The following MLLT3 variants were observed in gnomAD, a reference collection of about 807,000 sequenced individuals.
MLLT3 encodes the protein protein AF-9.
MLLT3 carries 4 observed loss-of-function variants against 53.2 expected under a neutral mutation model. The ratio of observed to expected loss-of-function variants is 0.08; its 90% confidence interval spans 0.04 to 0.17. The LOEUF is 0.17. MLLT3 is among the 10% of genes least tolerant of loss of function. The pLI is 1.00. For missense variants in MLLT3, 569 were observed against 684.0 expected (o/e 0.83, Z 1.87); for synonymous variants, 283 against 230.6 (o/e 1.23, Z -2.06).
At chr9:20,399,032 T>C (rs1822391388) in intron 5 of MLLT3, among the ~76,000 whole-genome samples, 1 of 152,160 alleles carries the variant, frequency 6.6e-6, no homozygotes, top group South Asian at 2.1e-4. Context: ...TGAAATCCAA[T>C]TTATGCAACT....
chr9:20,426,807 CA>C (rs1450404575), intron 4 of MLLT3, among the ~76,000 whole-genome samples: 5 of 151,868 alleles, frequency 3.3e-5, no homozygotes, highest in African/African-American at 9.7e-5. Flanking sequence ...GTTCAAGAAT[CA>C]AGAGTATATG....
intron 4 of MLLT3, among the ~76,000 whole-genome samples, chr9:20,416,897 G>C (rs533024466): frequency 5.4e-4 from 82 of 152,216 alleles, no homozygotes; most frequent in African/African-American, 1.9e-3. Flanking sequence ...CAATGTCAAA[G>C]TTCAAATATA....
chr9:20,615,596 A>G (rs1006468141), intron 2 of MLLT3, among the ~76,000 whole-genome samples: 8 of 152,122 alleles, frequency 5.3e-5, no homozygotes, highest in African/African-American at 1.7e-4. Flanking sequence ...GTATTGGGCA[A>G]TTTATGTGTG....
At chr9:20,393,746 T>C (rs910805293) in intron 5 of MLLT3, among the ~76,000 whole-genome samples, 2 of 152,182 alleles carry the variant, frequency 1.3e-5, no homozygotes, top group Non-Finnish European at 2.9e-5. Flanking sequence ...TTTTCAATTA[T>C]GTAGTAATTA....
At chr9:20,355,493 T>G (rs1821149939) in intron 8 of MLLT3, among the ~76,000 whole-genome samples, 1 of 152,198 alleles carries the variant, frequency 6.6e-6, no homozygotes, top group Non-Finnish European at 1.5e-5. Context: ...ACAACTTAAG[T>G]TATGAATAGC....
intron 2 of MLLT3, among the ~76,000 whole-genome samples, chr9:20,580,364 T>C (rs924468280): frequency 6.6e-6 from 1 of 152,106 alleles, no homozygotes. Context: ...AACTTGACTT[T>C]TTTTTTTTTA....
chr9:20,547,918 C>T (rs899649547), intron 2 of MLLT3, among the ~76,000 whole-genome samples: 1 of 152,206 alleles, frequency 6.6e-6, no homozygotes, highest in African/African-American at 2.4e-5. Flanking sequence ...CATGACTGCA[C>T]TCCCATCTGG....
rs769358647 is a variant in MLLT3, at chr9:20,414,271, C to T, written c.575G>A (p.Ser192Asn). Residue 192 changes from serine (S) to asparagine (N), a missense_variant, in exon 5 of 11, where the codon AGT (serine) becomes AAT (asparagine). This residue lies in a region of MLLT3 where 437 missense variants were observed against 376.5 expected (regional missense o/e 1.16). Transcript: ENST00000380338. Reference protein sequence around the residue: ...SSSSSSSSSTSFSKPHKLMKE... With the variant: ...SSSSSSSSSTNFSKPHKLMKE... ...CATTAATTTGTGAGGCTTTGAAAAA[C>T]TGGTACTACTGCTGCTGCTGCTGCT... 4 of 1,613,412 alleles carry T rather than the reference C, an allele frequency of 2.5e-6. No individual in the cohort carries two copies. The highest frequency in any genetic ancestry group is 3.4e-6 in the Non-Finnish European group (4 of 1,179,984).
chr9:20,418,294 G>A (rs368542228), intron 4 of MLLT3: 3 of 152,200 alleles, frequency 2.0e-5, no homozygotes, highest in Admixed American at 6.5e-5. Context: ...AACACAGAGG[G>A]ATGACAAGCC....
chr9:20,533,009 T>C (rs1183283788), intron 2 of MLLT3: 2 of 256,806 alleles, frequency 7.8e-6, no homozygotes, highest in South Asian at 4.6e-5. Context: ...ACAAAAAGGC[T>C]CAGCTGGTGG....
At chr9:20,433,519 T>C (rs897358811) in intron 4 of MLLT3, among the ~76,000 whole-genome samples, 1 of 151,998 alleles carries the variant, frequency 6.6e-6, no homozygotes, top group African/African-American at 2.4e-5. Context: ...GAGGATGCCA[T>C]TCGAATCAAG....
chr9:20,376,112 C>A (rs1325844946), intron 5 of MLLT3, among the ~76,000 whole-genome samples: 1 of 152,088 alleles, frequency 6.6e-6, no homozygotes, highest in East Asian at 1.9e-4. Context: ...CCATTTAATG[C>A]TTTAAATAAG....
At chr9:20,522,888 G>A (rs963558048) in intron 2 of MLLT3, among the ~76,000 whole-genome samples, 1 of 152,104 alleles carries the variant, frequency 6.6e-6, no homozygotes, top group African/African-American at 2.4e-5. Flanking sequence ...CTGAGCTAAA[G>A]GAAGTCGAGG....
intron 2 of MLLT3, among the ~76,000 whole-genome samples, chr9:20,562,513 C>A (rs1819242640): frequency 6.6e-6 from 1 of 152,056 alleles, no homozygotes; most frequent in Non-Finnish European, 1.5e-5. Flanking sequence ...GGACCCTTAG[C>A]ACCAGCAAAG....
chr9:20,542,264 G>A (rs945692221), intron 2 of MLLT3, among the ~76,000 whole-genome samples: 1 of 131,416 alleles, frequency 7.6e-6, no homozygotes, highest in African/African-American at 3.0e-5. Context: ...TTTTTTTTGA[G>A]ACGGAGTCTT....
At chr9:20,371,381 G>A (rs1821597106) in intron 5 of MLLT3, among the ~76,000 whole-genome samples, 1 of 152,208 alleles carries the variant, frequency 6.6e-6, no homozygotes, top group Non-Finnish European at 1.5e-5. Context: ...TAGCTAGAGA[G>A]AAGTCAAGGC....
chr9:20,501,418 T>A (rs937006471), intron 2 of MLLT3, among the ~76,000 whole-genome samples: 1 of 152,102 alleles, frequency 6.6e-6, no homozygotes, highest in African/African-American at 2.4e-5. Flanking sequence ...TTACTTACAA[T>A]ATCCAAAGGA....
At chr9:20,501,446 G>A (rs2118940909) in intron 2 of MLLT3, among the ~76,000 whole-genome samples, 2 of 152,244 alleles carry the variant, frequency 1.3e-5, no homozygotes, top group Middle Eastern at 6.8e-3. Flanking sequence ...TTAAGACCTA[G>A]GAGACTCAGT....
In MLLT3 at chr9:20,390,367, T is replaced by G. The variant is rs557821751; in HGVS notation, c.1125+23354A>C. Among the ~76,000 whole-genome samples, 3 of 152,268 alleles carry G rather than the reference T, an allele frequency of 2.0e-5. No individual in the cohort carries two copies. In the East Asian group the frequency reaches 5.8e-4, roughly 29 times the overall value. On this transcript the variant is annotated intron_variant, in intron 5 of 10. Coordinates refer to ENST00000380338, the MANE Select transcript of MLLT3 (RefSeq NM_004529.4). Reference sequence around the variant, plus strand: ...CGAAAAAGAGAAAGTAGCACTAATGTAAAATGAAGATGGATCTACAATTGT... The same window carrying G: ...CGAAAAAGAGAAAGTAGCACTAATGGAAAATGAAGATGGATCTACAATTGT...
Sources: allele counts gnomAD v4.1 joint callset (sites outside exome capture counted in the v4.1 genomes callset), GRCh38; gene constraint gnomAD v4.1.1; regional missense constraint gnomAD v4.1.1; transcripts MANE v1.5; gene names NCBI Gene and HGNC (gene_info 2026-07-23, HGNC 2026-07-21).